Variants in SLC38A6 observed in about 807,000 individuals in gnomAD.
SLC38A6 encodes N system amino acid transporter NAT-1.
A neutral mutation model predicts 65.0 loss-of-function variants in SLC38A6; 73 were observed. That is an observed-to-expected ratio of 1.12 (90% confidence interval 0.93 to 1.37). The LOEUF is 1.37. Ranked by LOEUF, SLC38A6 falls within the 40% of genes most tolerant of loss-of-function variation. SLC38A6 has a pLI of 0.00. For synonymous variants in SLC38A6, 183 were observed against 178.8 expected, an observed-to-expected ratio of 1.02 and a Z score of -0.19; for missense variants, 561 against 531.1, an observed-to-expected ratio of 1.06 and a Z score of -0.55.
intron 15 of SLC38A6, among the ~76,000 whole-genome samples, chr14:61,073,583 A>G (rs907786694): frequency 6.6e-6 from 1 of 152,220 alleles, no homozygotes; most frequent in Admixed American, 6.5e-5. Flanking sequence ...ATAATTAAGT[A>G]TAAATTAGCT....
intron 4 of SLC38A6, among the ~76,000 whole-genome samples, chr14:61,017,319 G>A (rs145291180): frequency 0.012 from 1,852 of 152,238 alleles, 24 homozygotes; most frequent in African/African-American, 0.017. Context: ...GGATTACAGC[G>A]TTAGCCACCG....
At chr14:61,006,243 A>G (rs1344522034) in intron 3 of SLC38A6, among the ~76,000 whole-genome samples, 1 of 152,258 alleles carries the variant, frequency 6.6e-6, no homozygotes, top group African/African-American at 2.4e-5. Flanking sequence ...AAACTTAGGC[A>G]TTACCATTGA....
At position 61,039,563 on chromosome 14, in the gene SLC38A6, G is replaced by A. The variant is rs192674660; in HGVS notation, c.624+1880G>A. Reference sequence around the variant, plus strand: ...TTTTTGTATTTTTAGTAGAGATGGTGTTTCACCATGTTAGCCAGGCAAGTC... The same window carrying A: ...TTTTTGTATTTTTAGTAGAGATGGTATTTCACCATGTTAGCCAGGCAAGTC... On this transcript the variant is annotated intron_variant, in intron 8 of 15. Coordinates refer to ENST00000267488, the MANE Select transcript of SLC38A6 (RefSeq NM_153811.3). Among the ~76,000 whole-genome samples the A allele has an allele frequency of 9.5e-3, 1,321 of 139,450 alleles. 9 individuals are homozygous for A. The highest frequency in any genetic ancestry group is 0.017 in the Admixed American group (233 of 13,446). 91.5% of individuals were successfully genotyped at this position (139,450 alleles called of 152,430 possible). A position where few individuals can be genotyped will look rare whatever the true frequency, so the allele number is the denominator to read the frequency against.
At chr14:61,008,626 G>T (rs2139448052) in intron 3 of SLC38A6, among the ~76,000 whole-genome samples, 1 of 152,180 alleles carries the variant, frequency 6.6e-6, no homozygotes, top group East Asian at 1.9e-4. Flanking sequence ...AAAGCTATAT[G>T]ATCTAAAGAC....
downstream of SLC38A6, among the ~76,000 whole-genome samples, chr14:61,053,265 A>C (rs2042596177): frequency 6.6e-6 from 1 of 152,092 alleles, no homozygotes; most frequent in Admixed American, 6.6e-5. Flanking sequence ...TTCTTTATCC[A>C]GTCTGTCATT....
chr14:61,004,396 A>G (rs1299449577), intron 3 of SLC38A6: 1 of 152,166 alleles, frequency 6.6e-6, no homozygotes, highest in East Asian at 1.9e-4. Context: ...CCCCATATGT[A>G]ACACTGAAAA....
chr14:61,065,006 G>C (rs1672810369), intron 15 of SLC38A6, among the ~76,000 whole-genome samples: 1 of 152,056 alleles, frequency 6.6e-6, no homozygotes, highest in African/African-American at 2.4e-5. Flanking sequence ...TCACACCTCT[G>C]CTTGTGCTAT....
intron 3 of SLC38A6, among the ~76,000 whole-genome samples, chr14:60,988,665 T>A (rs923387890): frequency 6.6e-6 from 1 of 152,216 alleles, no homozygotes; most frequent in Non-Finnish European, 1.5e-5. Context: ...CTGACAGTTT[T>A]CACCCCTACC....
At chr14:61,005,786 C>T (rs1303126596) in intron 3 of SLC38A6, among the ~76,000 whole-genome samples, 2 of 151,990 alleles carry the variant, frequency 1.3e-5, no homozygotes. Flanking sequence ...CAATGCCATC[C>T]CCATCAAGCT....
chr14:61,015,028 C>T (rs762175663), intron 3 of SLC38A6, among the ~76,000 whole-genome samples: 8 of 152,210 alleles, frequency 5.3e-5, no homozygotes, highest in Non-Finnish European at 1.0e-4. Flanking sequence ...TGGTGGGCTC[C>T]ACCCAGTTCG....
downstream of SLC38A6, among the ~76,000 whole-genome samples, chr14:61,053,311 A>C (rs1350891655): frequency 6.6e-6 from 1 of 152,014 alleles, no homozygotes; most frequent in Admixed American, 6.6e-5. Flanking sequence ...TCTTGGCTAT[A>C]GTGAATAGTG....
chr14:61,066,484 G>T (rs1330505824), intron 15 of SLC38A6, among the ~76,000 whole-genome samples: 1 of 151,918 alleles, frequency 6.6e-6, no homozygotes, highest in Non-Finnish European at 1.5e-5. Flanking sequence ...CAAAGTAAAT[G>T]GGTAGAAAGG....
At chr14:61,043,628 T>A in intron 10 of SLC38A6, 125 bp downstream of exon 10, 1 of 552,226 alleles carries the variant, frequency 1.8e-6, no homozygotes. Flanking sequence ...AAGTGCTAAG[T>A]ATAGGATTGC....
intron 4 of SLC38A6, among the ~76,000 whole-genome samples, chr14:61,017,173 C>G (rs1350685375): frequency 6.6e-6 from 1 of 152,112 alleles, no homozygotes; most frequent in Non-Finnish European, 1.5e-5. Context: ...TCCTAAGTAG[C>G]TAGGATTACA....
At chr14:61,020,686 A>G (rs1028693291) in intron 5 of SLC38A6, among the ~76,000 whole-genome samples, 5 of 152,152 alleles carry the variant, frequency 3.3e-5, no homozygotes, top group Non-Finnish European at 7.4e-5. Context: ...TCACAGTAGA[A>G]AGTCAAGAAA....
At chr14:61,003,902 T>C (rs148991595) in intron 3 of SLC38A6, among the ~76,000 whole-genome samples, 228 of 152,230 alleles carry the variant, frequency 1.5e-3, no homozygotes, top group African/African-American at 5.1e-3. Context: ...GATTTGACCA[T>C]TGTAGTCAGT....
intron 5 of SLC38A6, among the ~76,000 whole-genome samples, chr14:61,025,543 C>A (rs2040562284): frequency 6.6e-6 from 1 of 152,096 alleles, no homozygotes; most frequent in Non-Finnish European, 1.5e-5. Context: ...TTTTCACAAG[C>A]ACTTCATTTG....
chr14:60,981,531 CGAGA>C (rs2037020628), intron 1 of SLC38A6, 149 bp downstream of exon 1: 1 of 1,531,922 alleles, frequency 6.5e-7, no homozygotes, highest in Admixed American at 2.0e-5. Context: ...AGGCAGCCGC[CGAGA>C]TTCAGATGAG....
At chr14:61,063,563 C>T (rs1005625234) in intron 15 of SLC38A6, among the ~76,000 whole-genome samples, 2 of 152,136 alleles carry the variant, frequency 1.3e-5, no homozygotes. Context: ...TAATCCTACC[C>T]CAGTACACAT....
Sources: gnomAD v4.1 joint callset for allele counts (sites outside exome capture counted in the v4.1 genomes callset) on GRCh38, gnomAD v4.1.1 for gene constraint, MANE v1.5 for transcripts, NCBI Gene and HGNC (gene_info 2026-07-23, HGNC 2026-07-21) for gene names.